MICAL3: variants seen among roughly 807,000 people sequenced by gnomAD.
MICAL3 encodes microtubule associated monooxygenase, calponin and LIM domain containing 3, also known as [F-actin]-monooxygenase MICAL3.
In MICAL3, 62 loss-of-function variants were observed where a neutral mutation model predicts 207.4. That is an observed-to-expected ratio of 0.30 (90% CI 0.24 to 0.37). The LOEUF (loss-of-function observed/expected upper bound fraction) is 0.37. Among genes scored for constraint, MICAL3 ranks in the 10% least tolerant of loss-of-function variants. The pLI is 1.00. For missense variants in MICAL3, 2,368 were observed against 2,635.6 expected, an observed-to-expected ratio of 0.90 and a Z score of 2.22; for synonymous variants, 1,077 against 1,069.3, an observed-to-expected ratio of 1.01 and a Z score of -0.14.
In MICAL3 at chr22:17,864,931, T is replaced by C. The variant is rs776564022; in HGVS notation, c.2573A>G (p.Asn858Ser). The change falls in exon 19 of 32, where the codon AAC becomes AGC. Residue 858 changes from asparagine to serine, a missense_variant. Around this residue, in one of 4 missense-constraint regions of MICAL3, gnomAD observed 1,770 missense variants for 1,863.2 expected, o/e 0.95. Coordinates refer to ENST00000441493, the MANE Select transcript of MICAL3 (RefSeq NM_015241.3). ...TCTCTCAGTGGAGCTGGCCACGGCG[T>C]TGGCCCGTCCGTTTGCATCTGTGGT... ...GATTDANGRANAVASSTERTP... is the reference protein window; with the variant it reads ...GATTDANGRASAVASSTERTP... 2.4e-5 allele frequency: 38 copies of C among 1,613,614 alleles called. No homozygotes were observed. The East Asian group carries it at 2.9e-4, about 12-fold the overall frequency.
intron 1 of MICAL3, among the ~76,000 whole-genome samples, chr22:17,954,204 A>G (rs181232172): frequency 6.6e-6 from 1 of 152,282 alleles, no homozygotes; most frequent in East Asian, 1.9e-4. Flanking sequence ...AGAAAAAATT[A>G]TTTGGTGCTA....
At chr22:17,928,039 T>C (rs147398920) in intron 1 of MICAL3, among the ~76,000 whole-genome samples, 8 of 152,272 alleles carry the variant, frequency 5.3e-5, no homozygotes, top group Non-Finnish European at 1.2e-4. Context: ...AAATTGGGTT[T>C]TATTTACATG....
chr22:17,976,581 ATATATATAT>A (rs1190981035), intron 1 of MICAL3, among the ~76,000 whole-genome samples: 1 of 90,516 alleles, frequency 1.1e-5, no homozygotes, highest in African/African-American at 5.5e-5. Flanking sequence ...ATATATATAT[ATATATATAT>A]TTTTTTTTTT....
intron 29 of MICAL3, among the ~76,000 whole-genome samples, chr22:17,792,821 G>C (rs1307067874): frequency 6.6e-6 from 1 of 152,266 alleles, no homozygotes; most frequent in Non-Finnish European, 1.5e-5. Flanking sequence ...GTGTGTGCCT[G>C]AGGGTCAGGG....
intron 6 of MICAL3, 57 bp from the exon 7 acceptor site, chr22:17,899,605 G>T: frequency 8.6e-7 from 1 of 1,161,044 alleles, no homozygotes; most frequent in Non-Finnish European, 1.3e-6. Context: ...GGTGCATCAG[G>T]GCAGGCTGAA....
At chr22:17,951,633 T>C (rs9605447) in intron 1 of MICAL3, among the ~76,000 whole-genome samples, 7,175 of 152,042 alleles carry the variant, frequency 0.047, 281 homozygotes, top group African/African-American at 0.1. Context: ...CAGTCTTCCA[T>C]TATGGAATAA....
chr22:17,954,188 T>C (rs188504472), intron 1 of MICAL3, among the ~76,000 whole-genome samples: 4 of 152,166 alleles, frequency 2.6e-5, no homozygotes, highest in Admixed American at 2.6e-4. Flanking sequence ...GCCTAGAACC[T>C]GTTAAAGAAA....
At position 17,818,923 on chromosome 22, in the gene MICAL3, T is replaced by C. The variant is rs746235323; in HGVS notation, c.3738A>G (p.Pro1246=). ...PVSPGSPQPQ[P]PVAASTPPPS... ...GTGGGGGCGTGGAGGCCGCCACGGG[T>C]GGCTGGGGCTGCGGGCTCCCTGGTG... Residue 1246 remains proline (P), a synonymous_variant, in exon 26 of 32, where the codon CCA becomes CCG. Coordinates refer to ENST00000441493, the MANE Select transcript of MICAL3 (RefSeq NM_015241.3). The C allele has an allele frequency of 5.1e-6, 8 of 1,572,590 alleles. No homozygotes were observed. The South Asian group carries it at 7.1e-5, about 14-fold the overall frequency.
chr22:17,907,366 A>G (rs991237478), intron 1 of MICAL3, among the ~76,000 whole-genome samples: 2 of 152,222 alleles, frequency 1.3e-5, no homozygotes, highest in Non-Finnish European at 2.9e-5. Context: ...AGAGGCAAGG[A>G]TAACTCCCAG....
chr22:17,891,715 C>A, intron 11 of MICAL3, 83 bp from the exon 12 acceptor site: 1 of 1,381,622 alleles, frequency 7.2e-7, no homozygotes, highest in Non-Finnish European at 1.0e-6. Context: ...GACACATGTC[C>A]CCTTTGAAAA....
chr22:17,952,805 T>G (rs889326190), intron 1 of MICAL3, among the ~76,000 whole-genome samples: 1 of 152,206 alleles, frequency 6.6e-6, no homozygotes, highest in Non-Finnish European at 1.5e-5. Context: ...ACACTGGGAC[T>G]TGGAGCCTCG....
intron 28 of MICAL3, among the ~76,000 whole-genome samples, chr22:17,809,818 T>A (rs2062024611): frequency 6.6e-6 from 1 of 152,012 alleles, no homozygotes; most frequent in East Asian, 1.9e-4. Flanking sequence ...CACAATTGAA[T>A]GAGGTGACTT....
chr22:17,907,159 G>A (rs1428550025), intron 1 of MICAL3, among the ~76,000 whole-genome samples: 1 of 152,130 alleles, frequency 6.6e-6, no homozygotes, highest in Non-Finnish European at 1.5e-5. Flanking sequence ...CACTAGAGAG[G>A]GAGACACAAG....
intron 7 of MICAL3, among the ~76,000 whole-genome samples, chr22:17,897,422 CAAA>C (rs71754131): frequency 4.8e-5 from 2 of 41,796 alleles, no homozygotes; most frequent in African/African-American, 8.6e-5. Context: ...GACTCCAACT[CAAA>C]AAAAAAAAAA....
intron 1 of MICAL3, among the ~76,000 whole-genome samples, chr22:17,996,369 G>A (rs1234661612): frequency 2.0e-5 from 3 of 151,622 alleles, no homozygotes; most frequent in Admixed American, 1.3e-4. Context: ...GTGTGAACCC[G>A]GGAGGCGGAG....
chr22:17,860,284 A>G, intron 19 of MICAL3: 1 of 985,498 alleles, frequency 1.0e-6, no homozygotes, highest in African/African-American at 1.7e-5. Flanking sequence ...ATAAAAACTC[A>G]CAAAGAAACA....
chr22:17,988,052 G>A (rs1182214355), intron 1 of MICAL3, among the ~76,000 whole-genome samples: 1 of 152,174 alleles, frequency 6.6e-6, no homozygotes, highest in Non-Finnish European at 1.5e-5. Context: ...AGGCAGCAGA[G>A]AAACCGGCAC....
chr22:17,807,335 AG>A (rs2145981263), intron 29 of MICAL3, among the ~76,000 whole-genome samples: 1 of 152,344 alleles, frequency 6.6e-6, no homozygotes, highest in African/African-American at 2.4e-5. Flanking sequence ...TGCGCAGAGC[AG>A]GGCAGGGGGG....
At chr22:17,819,266 G>T in intron 25 of MICAL3, 137 bp from the exon 26 acceptor site, 2 of 876,966 alleles carry the variant, frequency 2.3e-6, no homozygotes, top group Non-Finnish European at 3.1e-6. Context: ...GCTGTTATTA[G>T]AACAGCTCCA....
Sources: gnomAD v4.1 joint callset for allele counts (sites outside exome capture counted in the v4.1 genomes callset) on GRCh38, gnomAD v4.1.1 for gene constraint, gnomAD v4.1.1 regional missense constraint, MANE v1.5 for transcripts, NCBI Gene and HGNC (gene_info 2026-07-23, HGNC 2026-07-21) for gene names.